Variants in SLC25A21 observed in about 807,000 individuals in gnomAD.
SLC25A21 encodes solute carrier family 25 member 21, also known as mitochondrial 2-oxodicarboxylate carrier.
A neutral mutation model predicts 43.8 loss-of-function variants in SLC25A21; 47 were observed. That is an observed-to-expected ratio of 1.07 (90% confidence interval 0.85 to 1.37). The LOEUF (loss-of-function observed/expected upper bound fraction) is 1.37, where lower values mean the gene tolerates loss of function less well. Among genes scored for constraint, SLC25A21 ranks in the 40% most tolerant of loss-of-function variants. The probability of loss-of-function intolerance (pLI) is 0.00; values close to 1 mark genes in which losing one functional copy is unlikely to be tolerated. For missense variants in SLC25A21, 352 were observed against 350.2 expected (o/e 1.00, Z -0.04); for synonymous variants, 131 against 121.3 (o/e 1.08, Z -0.52).
At chr14:36,791,884 C>T (rs913903937) in intron 3 of SLC25A21, among the ~76,000 whole-genome samples, 1 of 151,932 alleles carries the variant, frequency 6.6e-6, no homozygotes, top group African/African-American at 2.4e-5. Flanking sequence ...AAAGAGGCAC[C>T]GGGAGGCTTC....
At chr14:36,881,296 C>T (rs925571685) in intron 1 of SLC25A21, among the ~76,000 whole-genome samples, 1 of 152,072 alleles carries the variant, frequency 6.6e-6, no homozygotes, top group Admixed American at 6.6e-5. Context: ...AGATTACTTG[C>T]CCTAAGTCAC....
At chr14:36,689,034 C>T (rs371408921) in intron 7 of SLC25A21, among the ~76,000 whole-genome samples, 2 of 152,168 alleles carry the variant, frequency 1.3e-5, no homozygotes, top group Non-Finnish European at 1.5e-5. Context: ...TCCGTTTTCA[C>T]GCTGCTGATA....
intron 7 of SLC25A21, among the ~76,000 whole-genome samples, chr14:36,697,783 C>T: frequency 7.4e-6 from 1 of 135,532 alleles, no homozygotes; most frequent in East Asian, 2.6e-4. Flanking sequence ...TTCCTCCATC[C>T]CTTTATTTTG....
chr14:36,875,643 T>C lies in SLC25A21; in HGVS notation c.71-639A>G, dbSNP rs958388472. On this transcript the variant is annotated intron_variant, in intron 1 of 9. Transcript: ENST00000331299. ...TATGTGATAGAATGTAGTATCCCCA[T>C]TGTACAAATGAGAAAATTGAAGCAT... 3.3e-5 allele frequency among the ~76,000 whole-genome samples: 5 copies of C among 152,274 alleles called. No homozygotes were observed. The South Asian group carries it at 1.0e-3, about 32-fold the overall frequency.
At chr14:36,927,769 C>T (rs917694849) in intron 1 of SLC25A21, among the ~76,000 whole-genome samples, 1 of 152,092 alleles carries the variant, frequency 6.6e-6, no homozygotes, top group African/African-American at 2.4e-5. Context: ...AAATCGCAAC[C>T]AGCTGACTTA....
intron 4 of SLC25A21, among the ~76,000 whole-genome samples, chr14:36,732,432 C>T (rs1459605839): frequency 6.6e-6 from 1 of 152,072 alleles, no homozygotes; most frequent in African/African-American, 2.4e-5. Flanking sequence ...GAGGGATCAG[C>T]TGGTCTCTCT....
chr14:37,011,165 G>C (rs1010580845), intron 1 of SLC25A21, among the ~76,000 whole-genome samples: 2 of 152,138 alleles, frequency 1.3e-5, no homozygotes, highest in African/African-American at 4.8e-5. Context: ...GGGCTTACAG[G>C]TATCAGCCAC....
intron 1 of SLC25A21, among the ~76,000 whole-genome samples, chr14:36,913,931 C>T (rs1891759655): frequency 1.3e-5 from 2 of 152,168 alleles, no homozygotes; most frequent in South Asian, 4.1e-4. Flanking sequence ...AAATATTGGA[C>T]TGTTACAATA....
intron 3 of SLC25A21, among the ~76,000 whole-genome samples, chr14:36,778,188 C>T (rs957733100): frequency 2.0e-5 from 3 of 152,222 alleles, no homozygotes; most frequent in Non-Finnish European, 4.4e-5. Flanking sequence ...TTCCTTGACC[C>T]TCTTCTCCAA....
intron 2 of SLC25A21, among the ~76,000 whole-genome samples, chr14:36,827,920 C>T (rs182488727): frequency 1.1e-4 from 17 of 152,270 alleles, no homozygotes; most frequent in Admixed American, 9.8e-4. Context: ...AATTGCAAAT[C>T]CCAAGTTTAA....
chr14:36,746,024 A>G (rs1885482083), intron 3 of SLC25A21, among the ~76,000 whole-genome samples: 1 of 152,162 alleles, frequency 6.6e-6, no homozygotes, highest in African/African-American at 2.4e-5. Context: ...AAATATTACA[A>G]CCTCTATGGA....
chr14:37,077,336 A>G (rs1169283253), intron 1 of SLC25A21, among the ~76,000 whole-genome samples: 2 of 152,212 alleles, frequency 1.3e-5, no homozygotes, highest in Non-Finnish European at 2.9e-5. Context: ...ACTTTACAAC[A>G]TCTGCTTTTA....
intron 1 of SLC25A21, among the ~76,000 whole-genome samples, chr14:37,135,698 A>G (rs1459091693): frequency 1.3e-5 from 2 of 150,258 alleles, no homozygotes; most frequent in Non-Finnish European, 2.9e-5. Flanking sequence ...TTCCCTAAAC[A>G]TTTTAACAAT....
intron 5 of SLC25A21, among the ~76,000 whole-genome samples, chr14:36,726,479 GAAAGAC>G (rs1230330783): frequency 6.6e-6 from 1 of 151,744 alleles, no homozygotes; most frequent in Non-Finnish European, 1.5e-5. Context: ...AAGAAGAAAA[GAAAGAC>G]AAAGACAAAG....
At chr14:36,795,210 C>T (rs1566621161) in intron 3 of SLC25A21, among the ~76,000 whole-genome samples, 2 of 152,252 alleles carry the variant, frequency 1.3e-5, no homozygotes, top group African/African-American at 4.8e-5. Context: ...TAAAATGCTA[C>T]TGAAAGGTAT....
At chr14:36,708,458 A>G (rs10141123) in intron 7 of SLC25A21, among the ~76,000 whole-genome samples, 2,245 of 152,230 alleles carry the variant, frequency 0.015, 49 homozygotes, top group African/African-American at 0.051. Flanking sequence ...TTTTTTTTAA[A>G]ATAAGATCTT....
chr14:36,723,511 C>T (rs751738833), intron 6 of SLC25A21, among the ~76,000 whole-genome samples: 3 of 152,118 alleles, frequency 2.0e-5, no homozygotes, highest in Non-Finnish European at 2.9e-5. Context: ...GAAATGACCC[C>T]GAACAAGCTC....
intron 1 of SLC25A21, among the ~76,000 whole-genome samples, chr14:37,017,711 A>G (rs2138748807): frequency 6.6e-6 from 1 of 152,098 alleles, no homozygotes; most frequent in East Asian, 1.9e-4. Context: ...CATTTCTAAA[A>G]TCACTTATTA....
At chr14:36,844,888 C>T (rs1325086686) in intron 2 of SLC25A21, among the ~76,000 whole-genome samples, 2 of 152,150 alleles carry the variant, frequency 1.3e-5, no homozygotes, top group African/African-American at 2.4e-5. Context: ...TCTCCTTTAG[C>T]TGGGACACAG....
Sources: allele counts gnomAD v4.1 joint callset (sites outside exome capture counted in the v4.1 genomes callset), GRCh38; gene constraint gnomAD v4.1.1; transcripts MANE v1.5; gene names NCBI Gene and HGNC (gene_info 2026-07-23, HGNC 2026-07-21).